GRXCR1: variants seen among roughly 807,000 people sequenced by gnomAD.
GRXCR1 encodes the protein glutaredoxin domain-containing cysteine-rich protein 1.
GRXCR1 carries 27 observed loss-of-function variants against 27.3 expected under a neutral mutation model. The observed-to-expected ratio is 0.99, with a 90% confidence interval of 0.73 to 1.37. The LOEUF (loss-of-function observed/expected upper bound fraction) is 1.37. Ranked by LOEUF, GRXCR1 falls within the 40% of genes most tolerant of loss-of-function variation. GRXCR1 has a pLI of 0.00. For synonymous variants in GRXCR1, 122 were observed against 131.1 expected (o/e 0.93, Z 0.47); for missense variants, 379 against 354.4 (o/e 1.07, Z -0.56).
At chr4:42,986,897 A>G (rs1424886056) in intron 2 of GRXCR1, among the ~76,000 whole-genome samples, 1 of 151,912 alleles carries the variant, frequency 6.6e-6, no homozygotes, top group East Asian at 1.9e-4. Context: ...GAAGCCAAAC[A>G]GTCACCGAAC....
chr4:43,020,513 A>G (rs771340925), intron 3 of GRXCR1, 94 bp downstream of exon 3: 23 of 814,286 alleles, frequency 2.8e-5, no homozygotes, highest in Non-Finnish European at 4.0e-5. Flanking sequence ...CTCTCTCCCC[A>G]TGTTCTTACA....
At chr4:42,899,237 G>T (rs1227263955) in intron 1 of GRXCR1, among the ~76,000 whole-genome samples, 2 of 152,030 alleles carry the variant, frequency 1.3e-5, no homozygotes, top group East Asian at 3.9e-4. Context: ...AGTGTTGCTG[G>T]CTTGCTTCAT....
intron 2 of GRXCR1, among the ~76,000 whole-genome samples, chr4:42,999,767 A>G (rs528431007): frequency 2.0e-5 from 3 of 152,350 alleles, no homozygotes; most frequent in African/African-American, 7.2e-5. Flanking sequence ...TTAATTCACT[A>G]ACAGTATCTA....
chr4:42,939,434 A>C (rs1197177127), intron 1 of GRXCR1, among the ~76,000 whole-genome samples: 1 of 152,092 alleles, frequency 6.6e-6, no homozygotes, highest in Non-Finnish European at 1.5e-5. Flanking sequence ...ATATAAGATC[A>C]TATCATCTGC....
At chr4:42,896,999 A>G (rs1746360120) in intron 1 of GRXCR1, among the ~76,000 whole-genome samples, 1 of 152,136 alleles carries the variant, frequency 6.6e-6, no homozygotes, top group African/African-American at 2.4e-5. Context: ...AATACTCTTT[A>G]AGAAATTCTG....
At chr4:43,018,721 A>T (rs1713007876) in intron 2 of GRXCR1, among the ~76,000 whole-genome samples, 1 of 152,196 alleles carries the variant, frequency 6.6e-6, no homozygotes, top group African/African-American at 2.4e-5. Flanking sequence ...TAGTTCATGT[A>T]TCAAATTCCC....
chr4:42,970,517 G>A (rs1577925556), intron 2 of GRXCR1, among the ~76,000 whole-genome samples: 1 of 152,136 alleles, frequency 6.6e-6, no homozygotes, highest in Non-Finnish European at 1.5e-5. Flanking sequence ...CCATGTGGAA[G>A]CTGCCAAGGC....
intron 1 of GRXCR1, among the ~76,000 whole-genome samples, chr4:42,902,938 ATCTT>A (rs1414725714): frequency 2.6e-5 from 4 of 152,214 alleles, no homozygotes; most frequent in Non-Finnish European, 4.4e-5. Flanking sequence ...CCAAGGGGTC[ATCTT>A]AATTCCTATA....
intron 1 of GRXCR1, among the ~76,000 whole-genome samples, chr4:42,911,879 T>C (rs1398831569): frequency 6.6e-6 from 1 of 152,182 alleles, no homozygotes; most frequent in African/African-American, 2.4e-5. Context: ...ATGGGGAAGT[T>C]AGTCTTTTAG....
chr4:42,927,809 T>C (rs995965964), intron 1 of GRXCR1, among the ~76,000 whole-genome samples: 1 of 151,912 alleles, frequency 6.6e-6, no homozygotes, highest in African/African-American at 2.4e-5. Context: ...TTTTCCCCAT[T>C]AAGGGTAAAT....
At chr4:43,004,552 A>C (rs1288675825) in intron 2 of GRXCR1, among the ~76,000 whole-genome samples, 1 of 152,226 alleles carries the variant, frequency 6.6e-6, no homozygotes, top group Non-Finnish European at 1.5e-5. Flanking sequence ...GTAACCCTGC[A>C]GAGTGACAGG....
intron 1 of GRXCR1, among the ~76,000 whole-genome samples, chr4:42,951,059 T>C (rs1577917995): frequency 1.3e-5 from 2 of 152,112 alleles, no homozygotes; most frequent in Admixed American, 1.3e-4. Context: ...AATCCAATGA[T>C]GTAGTTTGAA....
chr4:42,943,291 T>A (rs1747665129), intron 1 of GRXCR1, among the ~76,000 whole-genome samples: 1 of 152,138 alleles, frequency 6.6e-6, no homozygotes, highest in Non-Finnish European at 1.5e-5. Flanking sequence ...AATTTGTGTA[T>A]ATAAATTAGA....
intron 2 of GRXCR1, among the ~76,000 whole-genome samples, chr4:42,968,036 C>G (rs553072468): frequency 1.4e-3 from 214 of 152,242 alleles, no homozygotes; most frequent in Non-Finnish European, 2.4e-3. Context: ...AGATACTGAT[C>G]AGCACTCTGC....
chr4:42,950,179 G>A (rs1260648988), intron 1 of GRXCR1, among the ~76,000 whole-genome samples: 1 of 152,152 alleles, frequency 6.6e-6, no homozygotes, highest in Non-Finnish European at 1.5e-5. Flanking sequence ...TGGGGTTCTT[G>A]TAACAAAGAT....
At chr4:43,004,724 C>A (rs1317406668) in intron 2 of GRXCR1, among the ~76,000 whole-genome samples, 2 of 152,122 alleles carry the variant, frequency 1.3e-5, no homozygotes, top group East Asian at 3.9e-4. Context: ...GCCAAAGTCT[C>A]CCATTTGGAA....
intron 1 of GRXCR1, among the ~76,000 whole-genome samples, chr4:42,939,677 T>C (rs919669697): frequency 6.6e-6 from 1 of 152,086 alleles, no homozygotes; most frequent in Admixed American, 6.6e-5. Flanking sequence ...AGAATATTTA[T>C]CTTGTATTTC....
chr4:42,926,425 A>C (rs985135821), intron 1 of GRXCR1, among the ~76,000 whole-genome samples: 1 of 152,034 alleles, frequency 6.6e-6, no homozygotes, highest in Non-Finnish European at 1.5e-5. Flanking sequence ...TTTAAAATAA[A>C]TGAACAATGG....
chr4:42,921,687 G>A (rs891702879), intron 1 of GRXCR1, among the ~76,000 whole-genome samples: 4 of 151,954 alleles, frequency 2.6e-5, no homozygotes, highest in South Asian at 4.2e-4. Flanking sequence ...ATGTTTTATC[G>A]AATTTCTCTT....
Sources: gnomAD v4.1 joint callset for allele counts (sites outside exome capture counted in the v4.1 genomes callset) on GRCh38, gnomAD v4.1.1 for gene constraint, MANE v1.5 for transcripts, NCBI Gene and HGNC (gene_info 2026-07-23, HGNC 2026-07-21) for gene names.